Variants in ATP13A5 observed in about 807,000 individuals in gnomAD.
The protein encoded by ATP13A5 is ATPase 13A5.
Under a neutral mutation model 150.2 loss-of-function variants are expected in ATP13A5, and 149 were observed. That is an observed-to-expected ratio of 0.99 (90% CI 0.87 to 1.14). ATP13A5 has a LOEUF of 1.14. Ranked by LOEUF, ATP13A5 falls within the 50% of genes most tolerant of loss-of-function variation. The pLI, the probability that ATP13A5 is intolerant of heterozygous loss-of-function variation, is 0.00. For synonymous variants in ATP13A5, 497 were observed against 522.2 expected (o/e 0.95, Z 0.66); for missense variants, 1,383 against 1,449.3 (o/e 0.95, Z 0.74).
chr3:193,314,057 G>T lies in ATP13A5; in HGVS notation c.2295C>A (p.Asn765Lys), dbSNP rs750412147. The change falls in exon 19 of 30, where the codon AAC becomes AAA. Residue 765 changes from asparagine to lysine, a missense_variant. Around this residue, in one of 3 missense-constraint regions of ATP13A5, gnomAD observed 568 missense variants for 621.5 expected, o/e 0.91. Transcript: ENST00000342358. ...CTTTCTTCCCAGGTCCAGTCTCTTG[G>T]TTCTCCACCAGCTGCCAGGTCACAG... ...PASVTWQLVE[N>K]QETGPGKKEI... is the part of the protein sequence containing the mutation. The T allele has an allele frequency of 1.2e-6, 2 of 1,613,380 alleles. No homozygotes were observed. The highest frequency in any genetic ancestry group is 1.7e-5 in the Admixed American group (1 of 59,994).
chr3:193,324,919 T>C lies in ATP13A5; in HGVS notation c.1619A>G (p.Asn540Ser). 6.2e-7 allele frequency: 1 copy of C among 1,614,074 alleles called. No individual in the cohort carries two copies. Among genetic ancestry groups the C allele is most frequent in the East Asian group, 2.2e-5 (1 of 44,872 alleles). ...MASCHSLILL[N>S]GTIQGDPLDL... is the part of the protein sequence containing the mutation. Reference sequence around the variant, plus strand: ...CAGAGGGTCTCCCTGGATGGTCCCATTGAGAAGGATCAGAGAGTGGCAGCT... The same window carrying C: ...CAGAGGGTCTCCCTGGATGGTCCCACTGAGAAGGATCAGAGAGTGGCAGCT... Residue 540 changes from asparagine (N) to serine (S), a missense_variant, in exon 14 of 30, where the codon AAT (asparagine) becomes AGT (serine). Physicochemically the swap from Asn to Ser is conservative, Grantham distance 46. Around this residue, in one of 3 missense-constraint regions of ATP13A5, gnomAD observed 787 missense variants for 771.9 expected, o/e 1.02. Transcript: ENST00000342358.
intron 18 of ATP13A5, 178 bp from the exon 19 acceptor site, chr3:193,314,371 C>G: frequency 1.7e-6 from 1 of 602,802 alleles, no homozygotes; most frequent in South Asian, 2.2e-5. Context: ...ATGTTCCCAT[C>G]TCCCTCTCCA....
intron 20 of ATP13A5, 25 bp from the exon 21 acceptor site, chr3:193,310,742 A>C: frequency 6.4e-7 from 1 of 1,555,970 alleles, no homozygotes; most frequent in Non-Finnish European, 8.7e-7. Context: ...CAACCATTGC[A>C]ATATGATTGG....
chr3:193,285,622 C>T (rs1253671574), intron 26 of ATP13A5, among the ~76,000 whole-genome samples: 1 of 152,160 alleles, frequency 6.6e-6, no homozygotes, highest in East Asian at 1.9e-4. Context: ...CCTATGAGAT[C>T]TTTGCATCCT....
At chr3:193,303,820 C>CAT (rs962558436) in intron 23 of ATP13A5, among the ~76,000 whole-genome samples, 1 of 151,296 alleles carries the variant, frequency 6.6e-6, no homozygotes, top group Non-Finnish European at 1.5e-5. Flanking sequence ...CACACACACA[C>CAT]ATATTTATAT....
At chr3:193,291,807 GA>G (rs1460470383) in intron 25 of ATP13A5, among the ~76,000 whole-genome samples, 1 of 152,028 alleles carries the variant, frequency 6.6e-6, no homozygotes, top group Non-Finnish European at 1.5e-5. Flanking sequence ...ACAGGGAAAG[GA>G]CAATGGAAGT....
rs755204634 is a variant in ATP13A5, at chr3:193,285,053, A to C, written c.3087T>G (p.Thr1029=). ...AACCAGGAATCAGAGTTGCATTTCCAGTCCAGTTTCTTTCCAAACTCACAT... is the reference window on the plus strand; with the variant it reads ...AACCAGGAATCAGAGTTGCATTTCCCGTCCAGTTTCTTTCCAAACTCACAT... ...STNVSLERNW[T]GNATLIPGSI... Residue 1029 remains threonine (T), a synonymous_variant, in exon 27 of 30, where the codon ACT becomes ACG. Coordinates refer to ENST00000342358, the MANE Select transcript of ATP13A5 (RefSeq NM_198505.4). 1.9e-5 allele frequency: 31 copies of C among 1,614,104 alleles called. No individual in the cohort carries two copies. In the South Asian group the frequency reaches 3.2e-4, roughly 17 times the overall value.
rs544445668 is a variant in ATP13A5 at position 193,294,846 on chromosome 3, G to A, written c.2848+4285C>T. 2.0e-5 allele frequency among the ~76,000 whole-genome samples: 3 copies of A among 152,182 alleles called. No homozygotes were observed. The East Asian group carries it at 5.8e-4, about 29-fold the overall frequency. ...AGCCTAGCTCAAACATGCTCACAAC[G>A]CTTAAGTAGGCTACAATTGAACAAA... On this transcript the variant is annotated intron_variant, in intron 25 of 29. Transcript: ENST00000342358.
chr3:193,314,285 CTTTGAGAGCA>C, intron 18 of ATP13A5, 92 bp from the exon 19 acceptor site: 2 of 1,392,264 alleles, frequency 1.4e-6, no homozygotes, highest in East Asian at 4.6e-5. Context: ...GCTTGGTGTT[CTTTGAGAGCA>C]TTTACCGCTT....
rs1422833867 is a variant in ATP13A5 at position 193,279,471 on chromosome 3, CATT to C, written c.3227-20_3227-18del. 7 of 1,596,744 alleles carry C rather than the reference CATT, an allele frequency of 4.4e-6. No homozygotes were observed. The highest frequency in any genetic ancestry group is 3.3e-4 in the Middle Eastern group (2 of 6,022). On this transcript the variant is annotated intron_variant, in intron 27 of 29. Coordinates refer to ENST00000342358, the MANE Select transcript of ATP13A5 (RefSeq NM_198505.4). ...AAAATATATCTGAGGAAATACCAAA[CATT>C]ATTTTTAGATGTTAAAAGAATGTTT...
intron 1 of ATP13A5, among the ~76,000 whole-genome samples, chr3:193,374,276 G>GCACACACACA (rs542915725): frequency 4.7e-5 from 7 of 147,898 alleles, no homozygotes; most frequent in African/African-American, 1.8e-4. Flanking sequence ...GCATGTATTT[G>GCACACACACA]CACACACACA....
At chr3:193,335,611 T>C (rs929933650) in intron 9 of ATP13A5, among the ~76,000 whole-genome samples, 1 of 152,180 alleles carries the variant, frequency 6.6e-6, no homozygotes, top group African/African-American at 2.4e-5. Context: ...CATAAGCTCA[T>C]GGAGCAAGGT....
rs138029126 is a variant in ATP13A5, at chr3:193,321,790, C to T, written c.1806G>A (p.Ser602=). ...CGATCACGGACATCCTCTGCAGGCT[C>T]GAGGAAAATGGAAACTGGCACAAGG... ...IITLCQFPFS[S]SLQRMSVIAQ... is the part of the protein sequence containing the mutation. Residue 602 remains serine, a synonymous_variant, in exon 16 of 30, where the codon TCG becomes TCA. Coordinates refer to ENST00000342358, the MANE Select transcript of ATP13A5 (RefSeq NM_198505.4). 37 of 1,613,938 alleles carry T rather than the reference C, an allele frequency of 2.3e-5. No individual in the cohort carries two copies. Among genetic ancestry groups the T allele is most frequent in the African/African-American group, 6.7e-5 (5 of 74,890 alleles).
chr3:193,322,248 C>G (rs1035491980), intron 15 of ATP13A5, among the ~76,000 whole-genome samples: 1 of 152,158 alleles, frequency 6.6e-6, no homozygotes, highest in Non-Finnish European at 1.5e-5. Flanking sequence ...CAACCCAGAG[C>G]CAAGTGTGTC....
intron 9 of ATP13A5, among the ~76,000 whole-genome samples, chr3:193,336,806 C>T (rs1175136379): frequency 3.3e-5 from 5 of 152,004 alleles, no homozygotes; most frequent in African/African-American, 9.7e-5. Flanking sequence ...CTTGAGGAAT[C>T]GCCACATTGT....
In ATP13A5 at chr3:193,344,954, TC is replaced by T. The variant is rs766479698; in HGVS notation, c.814+48del. On this transcript the variant is annotated intron_variant, in intron 8 of 29. Coordinates refer to ENST00000342358, the MANE Select transcript of ATP13A5 (RefSeq NM_198505.4). ...ATAATTAAGGACAAATGAGACCAAT[TC>T]CCCCCTGAAATATTAAGATGCTGAA... 22 of 1,498,888 alleles carry T rather than the reference TC, an allele frequency of 1.5e-5. No individual in the cohort carries two copies. In the African/African-American group the frequency reaches 1.9e-4, roughly 13 times the overall value. 92.8% of individuals were successfully genotyped at this position (1,498,888 alleles called of 1,614,324 possible).
intron 13 of ATP13A5, among the ~76,000 whole-genome samples, chr3:193,325,276 G>A (rs1719429610): frequency 6.6e-6 from 1 of 152,148 alleles, no homozygotes; most frequent in African/African-American, 2.4e-5. Flanking sequence ...TAAACTTCTT[G>A]CTATTGCTAT....
chr3:193,376,414 G>GT (rs572779792), intron 1 of ATP13A5, among the ~76,000 whole-genome samples: 123 of 152,262 alleles, frequency 8.1e-4, no homozygotes, highest in African/African-American at 2.8e-3. Context: ...CTTTTGCTAT[G>GT]TTAACCAGAC....
At chr3:193,331,840 T>C (rs952195530) in intron 11 of ATP13A5, among the ~76,000 whole-genome samples, 1 of 152,186 alleles carries the variant, frequency 6.6e-6, no homozygotes, top group African/African-American at 2.4e-5. Flanking sequence ...ATGACGTAAA[T>C]ACTATTATTT....
Sources: gnomAD v4.1 joint callset for allele counts (sites outside exome capture counted in the v4.1 genomes callset) on GRCh38, gnomAD v4.1.1 for gene constraint, gnomAD v4.1.1 regional missense constraint, MANE v1.5 for transcripts, NCBI Gene and HGNC (gene_info 2026-07-23, HGNC 2026-07-21) for gene names.